ADARB2: variants seen among roughly 807,000 people sequenced by gnomAD.
The protein encoded by ADARB2 is inactive double-stranded RNA-specific editase B2.
A neutral mutation model predicts 62.2 loss-of-function variants in ADARB2; 25 were observed. The observed-to-expected ratio is 0.40, with a 90% CI of 0.29 to 0.56. The LOEUF (loss-of-function observed/expected upper bound fraction) is 0.56. Among genes scored for constraint, ADARB2 ranks in the 20% least tolerant of loss-of-function variants. The pLI, the probability that ADARB2 is intolerant of heterozygous loss-of-function variation, is 0.43. For synonymous variants in ADARB2, 572 were observed against 500.8 expected, an observed-to-expected ratio of 1.14 and a Z score of -1.90; for missense variants, 1,071 against 1,077.4, an observed-to-expected ratio of 0.99 and a Z score of 0.08.
chr10:1,328,136 C>T (rs537356682), intron 3 of ADARB2, among the ~76,000 whole-genome samples: 7 of 152,302 alleles, frequency 4.6e-5, no homozygotes, highest in Non-Finnish European at 1.0e-4. Context: ...GGAGAGGCAG[C>T]GCAGGCTCCG....
intron 7 of ADARB2, among the ~76,000 whole-genome samples, chr10:1,215,399 C>G (rs542358136): frequency 6.6e-6 from 1 of 152,220 alleles, no homozygotes; most frequent in Non-Finnish European, 1.5e-5. Context: ...CCCAGGACCC[C>G]ATGGGCACAA....
At chr10:1,697,110 T>A (rs1834756638) in intron 1 of ADARB2, among the ~76,000 whole-genome samples, 1 of 152,108 alleles carries the variant, frequency 6.6e-6, no homozygotes, top group Non-Finnish European at 1.5e-5. Context: ...TTCTGTTTCT[T>A]CTCTTGAATC....
intron 1 of ADARB2, among the ~76,000 whole-genome samples, chr10:1,494,773 G>A (rs966558664): frequency 6.6e-6 from 1 of 151,964 alleles, no homozygotes; most frequent in Non-Finnish European, 1.5e-5. Flanking sequence ...GAGTTGTGGG[G>A]GTCTTTGACC....
At chr10:1,678,291 GGGGTGAGCATCCTCA>G in intron 1 of ADARB2, 1 of 985,062 alleles carries the variant, frequency 1.0e-6, no homozygotes, top group Non-Finnish European at 1.2e-6. Flanking sequence ...GAGCGTCCTC[GGGGTGAGCATCCTCA>G]GGGTGAGCGT....
intron 1 of ADARB2, among the ~76,000 whole-genome samples, chr10:1,672,592 C>T (rs1292692092): frequency 1.3e-5 from 2 of 151,476 alleles, no homozygotes; most frequent in Non-Finnish European, 2.9e-5. Flanking sequence ...GCCTTCCTCC[C>T]TCCAAGCCCC....
chr10:1,712,222 T>C (rs1026160922), intron 1 of ADARB2, among the ~76,000 whole-genome samples: 16 of 152,316 alleles, frequency 1.1e-4, no homozygotes, highest in African/African-American at 3.4e-4. Flanking sequence ...TTTTTATGAC[T>C]CAATATTTGC....
At position 1,255,416 on chromosome 10, in the gene ADARB2, A is replaced by T. The variant is rs1388445702; in HGVS notation, c.1193-13117T>A. 6.6e-6 allele frequency among the ~76,000 whole-genome samples: 1 copy of T among 152,218 alleles called. No homozygotes were observed. The highest frequency in any genetic ancestry group is 1.5e-5 in the Non-Finnish European group (1 of 68,040). ...CGCTGGGTCTACACACTAATCAAAC[A>T]TGCTGCTCACTCCACATAACATACA... On this transcript the variant is annotated intron_variant, in intron 4 of 9. Transcript: ENST00000381312. This position sits in a 1 kb window ranked among gnomAD's most constrained non-coding sequence, Gnocchi z 4.7.
intron 1 of ADARB2, among the ~76,000 whole-genome samples, chr10:1,470,604 T>C (rs191020894): frequency 1.3e-5 from 2 of 152,362 alleles, no homozygotes; most frequent in Admixed American, 1.3e-4. Flanking sequence ...ATAATTTCAG[T>C]CTTTATTAAC....
intron 1 of ADARB2, among the ~76,000 whole-genome samples, chr10:1,693,167 T>A (rs567800031): frequency 2.6e-5 from 4 of 152,350 alleles, no homozygotes; most frequent in Non-Finnish European, 2.9e-5. Context: ...TGTCTACTGT[T>A]GAAGGCTGTG....
At chr10:1,496,386 CCAT>C (rs1193787817) in intron 1 of ADARB2, among the ~76,000 whole-genome samples, 2 of 151,888 alleles carry the variant, frequency 1.3e-5, no homozygotes, top group Non-Finnish European at 2.9e-5. Context: ...GTCATCATCA[CCAT>C]CATTATTACC....
intron 1 of ADARB2, among the ~76,000 whole-genome samples, chr10:1,677,832 C>T (rs1834486173): frequency 6.6e-6 from 1 of 152,216 alleles, no homozygotes; most frequent in Non-Finnish European, 1.5e-5. Context: ...TCTGTCCCAC[C>T]TCCTGCTGAG....
At chr10:1,444,281 ACATCCATCCATC>A (rs200737452) in intron 1 of ADARB2, among the ~76,000 whole-genome samples, 9,649 of 117,578 alleles carry the variant, frequency 0.082, 469 homozygotes, top group East Asian at 0.27. Context: ...CCATCTATCT[ACATCCATCCATC>A]CATCCATCCA....
In ADARB2 at chr10:1,548,928, G is replaced by T. The variant is rs955090988; in HGVS notation, c.101-169768C>A. 3.3e-5 allele frequency among the ~76,000 whole-genome samples: 5 copies of T among 152,292 alleles called. No homozygotes were observed. In the East Asian group the frequency reaches 9.6e-4, roughly 29 times the overall value. Reference sequence around the variant, plus strand: ...CCGAGGCAGGCCTGGCAGGAATGAGGGTGGGCTGTTAAGGTGATCTGGCTG... The same window carrying T: ...CCGAGGCAGGCCTGGCAGGAATGAGTGTGGGCTGTTAAGGTGATCTGGCTG... On this transcript the variant is annotated intron_variant, in intron 1 of 9. Transcript: ENST00000381312.
intron 1 of ADARB2, among the ~76,000 whole-genome samples, chr10:1,720,860 T>C (rs1835082777): frequency 6.6e-6 from 1 of 152,244 alleles, no homozygotes; most frequent in South Asian, 2.1e-4. Flanking sequence ...TTAACGTGTG[T>C]GCCCGATGTC....
At chr10:1,428,605 A>G (rs1385691158) in intron 1 of ADARB2, among the ~76,000 whole-genome samples, 2 of 151,852 alleles carry the variant, frequency 1.3e-5, no homozygotes, top group African/African-American at 4.8e-5. Context: ...CTTTTATATG[A>G]CATTTTTGAA....
At chr10:1,254,356 G>A (rs1276021245) in intron 4 of ADARB2, among the ~76,000 whole-genome samples, 1 of 152,208 alleles carries the variant, frequency 6.6e-6, no homozygotes, top group Non-Finnish European at 1.5e-5. Context: ...TGGAGATGAT[G>A]GGTAGAAGCC....
chr10:1,602,733 TAC>T (rs1833434329), intron 1 of ADARB2, among the ~76,000 whole-genome samples: 2 of 141,656 alleles, frequency 1.4e-5, no homozygotes, highest in African/African-American at 5.3e-5. Context: ...CACCTGTACA[TAC>T]AGACACACAA....
chr10:1,223,866 A>G (rs1349264274), intron 6 of ADARB2, among the ~76,000 whole-genome samples: 1 of 152,138 alleles, frequency 6.6e-6, no homozygotes, highest in Non-Finnish European at 1.5e-5. Flanking sequence ...CTCATCAAGG[A>G]TATTGGTCTA....
chr10:1,481,825 C>G lies in ADARB2; in HGVS notation c.101-102665G>C, dbSNP rs368725568. Among the ~76,000 whole-genome samples, 9 of 148,770 alleles carry G rather than the reference C, an allele frequency of 6.0e-5. No homozygotes were observed. The East Asian group carries it at 1.4e-3, about 23-fold the overall frequency. ...TGAGCTGAGATTGTGCCACTGCACT[C>G]CAGCCTGGACGACAGAGTGAGACTC... On this transcript the variant is annotated intron_variant, in intron 1 of 9. Transcript: ENST00000381312.
Sources: gnomAD v4.1 joint callset for allele counts (sites outside exome capture counted in the v4.1 genomes callset) on GRCh38, gnomAD v4.1.1 for gene constraint, Gnocchi (gnomAD v3.1) non-coding constraint, MANE v1.5 for transcripts, NCBI Gene and HGNC (gene_info 2026-07-23, HGNC 2026-07-21) for gene names.